Variants in CALD1 observed in about 807,000 individuals in gnomAD.
The protein encoded by CALD1 is caldesmon 1, also known as caldesmon.
A neutral mutation model predicts 99.9 loss-of-function variants in CALD1; 33 were observed. The ratio of observed to expected loss-of-function variants is 0.33; its 90% CI spans 0.25 to 0.44. The LOEUF (loss-of-function observed/expected upper bound fraction) is 0.44, where lower values mean the gene tolerates loss of function less well. Ranked by LOEUF, CALD1 falls within the 20% of genes least tolerant of loss-of-function variation. CALD1 has a pLI of 1.00. For missense variants in CALD1, 861 were observed against 962.1 expected (o/e 0.89, Z 1.39); for synonymous variants, 310 against 325.0 (o/e 0.95, Z 0.50).
At chr7:134,792,281 C>A (rs981380016) in intron 1 of CALD1, among the ~76,000 whole-genome samples, 1 of 149,476 alleles carries the variant, frequency 6.7e-6, no homozygotes, top group South Asian at 2.1e-4. Flanking sequence ...TCCAAATTTC[C>A]TCTTCTTTTT....
At chr7:134,824,466 C>T (rs1798907211) in intron 1 of CALD1, among the ~76,000 whole-genome samples, 1 of 151,792 alleles carries the variant, frequency 6.6e-6, no homozygotes, top group Non-Finnish European at 1.5e-5. Context: ...TCCTTCTTCT[C>T]CTTCTCCTTC....
the CALD1 span, among the ~76,000 whole-genome samples, chr7:134,729,801 G>C: frequency 6.6e-6 from 1 of 152,232 alleles, no homozygotes. Flanking sequence ...AGGAGGTGGA[G>C]AATTACTTGC....
intron 14 of CALD1, 38 bp from the exon 15 acceptor site, chr7:134,968,302 C>T: frequency 6.2e-7 from 1 of 1,609,388 alleles, no homozygotes; most frequent in Non-Finnish European, 8.5e-7. Flanking sequence ...CAGTTTCACA[C>T]TACAGGCTGT....
intron 3 of CALD1, among the ~76,000 whole-genome samples, chr7:134,926,207 G>A (rs1291429301): frequency 6.6e-6 from 1 of 152,126 alleles, no homozygotes; most frequent in African/African-American, 2.4e-5. Context: ...AGAATGCTTT[G>A]CCACAACATA....
intron 1 of CALD1, among the ~76,000 whole-genome samples, chr7:134,819,932 T>C (rs1798708764): frequency 6.6e-6 from 1 of 151,980 alleles, no homozygotes; most frequent in Non-Finnish European, 1.5e-5. Context: ...AAGAAAACAA[T>C]GAAGATAGCC....
intron 3 of CALD1, among the ~76,000 whole-genome samples, chr7:134,894,115 A>C (rs1044658243): frequency 2.0e-5 from 3 of 152,172 alleles, no homozygotes; most frequent in Non-Finnish European, 2.9e-5. Flanking sequence ...TGAAGTTTTA[A>C]CAGCTCTCTA....
chr7:134,783,546 C>T lies in CALD1; in HGVS notation c.-130+3797C>T, dbSNP rs1218556414. ...CATAATTGGCAGGCTGTGGGTAAGG[C>T]TATGGGAGCGGGGTCGGGGGGAAAC... On this transcript the variant is annotated intron_variant, in intron 1 of 14. Coordinates refer to ENST00000361675, the MANE Select transcript of CALD1 (RefSeq NM_033138.4). This position sits in a 1 kb window ranked among gnomAD's most constrained non-coding sequence, Gnocchi z 4.3. Among the ~76,000 whole-genome samples, 1 of 152,018 alleles carries T rather than the reference C, an allele frequency of 6.6e-6. No individual in the cohort carries two copies. Among genetic ancestry groups the T allele is most frequent in the Non-Finnish European group, 1.5e-5 (1 of 68,018 alleles).
rs571971915 is a variant in CALD1, at chr7:134,937,315, G to A, written c.1386+1550G>A. 4.6e-5 allele frequency among the ~76,000 whole-genome samples: 7 copies of A among 152,226 alleles called. No individual in the cohort carries two copies. In the East Asian group the frequency reaches 1.4e-3, roughly 29 times the overall value. ...GCCCCAGTTCAACAGCGTCCTCTGT[G>A]TCAATCAGATACTCCCAGGAATGAG... is the stretch of plus-strand genomic sequence containing the variant. On this transcript the variant is annotated intron_variant, in intron 6 of 14. Coordinates refer to ENST00000361675, the MANE Select transcript of CALD1 (RefSeq NM_033138.4).
At chr7:134,846,740 C>G (rs1799868198) in intron 2 of CALD1, among the ~76,000 whole-genome samples, 1 of 152,124 alleles carries the variant, frequency 6.6e-6, no homozygotes, top group African/African-American at 2.4e-5. Flanking sequence ...TTTCTTTATT[C>G]CCCCTCCTCA....
intron 3 of CALD1, among the ~76,000 whole-genome samples, chr7:134,902,726 G>T (rs1803088694): frequency 6.6e-6 from 1 of 152,206 alleles, no homozygotes; most frequent in African/African-American, 2.4e-5. Flanking sequence ...TGCCGCTTCA[G>T]TGTAATGAAC....
intron 3 of CALD1, among the ~76,000 whole-genome samples, chr7:134,915,944 C>T (rs555443480): frequency 1.3e-5 from 2 of 152,266 alleles, no homozygotes; most frequent in South Asian, 2.1e-4. Context: ...GAGAAGACTC[C>T]TTGACTTCTT....
intron 1 of CALD1, among the ~76,000 whole-genome samples, chr7:134,830,400 AT>A (rs368872287): frequency 0.038 from 5,679 of 148,930 alleles, 123 homozygotes; most frequent in Non-Finnish European, 0.053. Flanking sequence ...TTAGATCTTT[AT>A]TTTTTTTTTA....
chr7:134,854,207 T>C (rs1179994033), intron 2 of CALD1, among the ~76,000 whole-genome samples: 1 of 152,220 alleles, frequency 6.6e-6, no homozygotes, highest in Non-Finnish European at 1.5e-5. Flanking sequence ...GAATGATTTA[T>C]AATCCTTTGG....
In CALD1 at chr7:134,871,753, T is replaced by A. The variant is rs537592519; in HGVS notation, c.71+3949T>A. ...AAAATACCCTGTTATTTTTATTTAA[T>A]TAGTATTGAGTCTGATTGCCAGATG... is the stretch of plus-strand genomic sequence containing the variant. On this transcript the variant is annotated intron_variant, in intron 3 of 14. Coordinates refer to ENST00000361675, the MANE Select transcript of CALD1 (RefSeq NM_033138.4). Among the ~76,000 whole-genome samples, 22 of 152,330 alleles carry A rather than the reference T, an allele frequency of 1.4e-4. 1 individual carries two copies. In the South Asian group the frequency reaches 4.6e-3, roughly 32 times the overall value.
rs1382987696 is a variant in CALD1, at chr7:134,969,558, A to G, written c.*1213A>G. ...TGTCTAGAAGCAGAGAAGTAAAGTGAGCAAAATCCAGTGTTGAGGAGTCAT... is the reference window on the plus strand; with the variant it reads ...TGTCTAGAAGCAGAGAAGTAAAGTGGGCAAAATCCAGTGTTGAGGAGTCAT... On this transcript the variant is annotated 3_prime_UTR_variant, in exon 15 of 15. Coordinates refer to ENST00000361675, the MANE Select transcript of CALD1 (RefSeq NM_033138.4). The G allele has an allele frequency of 1.3e-5, 2 of 152,236 alleles. No homozygotes were observed. Among genetic ancestry groups the G allele is most frequent in the Admixed American group, 1.3e-4 (2 of 15,284 alleles). 9.4% of individuals were successfully genotyped at this position (152,236 alleles called of 1,614,324 possible). A position where few individuals can be genotyped will look rare whatever the true frequency, so the allele number is the denominator to read the frequency against.
intron 2 of CALD1, among the ~76,000 whole-genome samples, chr7:134,852,634 G>T (rs1800129255): frequency 6.6e-6 from 1 of 152,114 alleles, no homozygotes; most frequent in Non-Finnish European, 1.5e-5. Context: ...ACCCTGGGCT[G>T]CTCCTGCCTC....
At chr7:134,740,998 G>A (rs571821942), upstream of CALD1, among the ~76,000 whole-genome samples, 2 of 152,240 alleles carry the variant, frequency 1.3e-5, no homozygotes, top group Admixed American at 1.3e-4. Context: ...ATGAATTGAG[G>A]CATAGCGAGG....
At chr7:134,730,671 A>G in the CALD1 span, among the ~76,000 whole-genome samples, 1 of 152,230 alleles carries the variant, frequency 6.6e-6, no homozygotes, top group African/African-American at 2.4e-5. Flanking sequence ...CTTTTAGAAT[A>G]AAAAAATAAA....
chr7:134,941,014 G>T, intron 6 of CALD1, 78 bp from the exon 7 acceptor site: 2 of 1,227,484 alleles, frequency 1.6e-6, no homozygotes, highest in Non-Finnish European at 2.2e-6. Flanking sequence ...ACAATTTTGG[G>T]TCTTACTTGA....
Sources: gnomAD v4.1 joint callset for allele counts (sites outside exome capture counted in the v4.1 genomes callset) on GRCh38, gnomAD v4.1.1 for gene constraint, Gnocchi (gnomAD v3.1) non-coding constraint, MANE v1.5 for transcripts, NCBI Gene and HGNC (gene_info 2026-07-23, HGNC 2026-07-21) for gene names.